Variants in NAALADL2 observed in about 807,000 individuals in gnomAD.
The protein encoded by NAALADL2 is inactive N-acetylated-alpha-linked acidic dipeptidase-like protein 2.
A neutral mutation model predicts 87.2 loss-of-function variants in NAALADL2; 76 were observed. That is an observed-to-expected ratio of 0.87 (90% confidence interval 0.72 to 1.05). NAALADL2 has a LOEUF of 1.05. NAALADL2 is among the 50% of genes least tolerant of loss of function. The probability of loss-of-function intolerance (pLI) is 0.00; values close to 1 mark genes in which losing one functional copy is unlikely to be tolerated. For synonymous variants in NAALADL2, 354 were observed against 331.0 expected (o/e 1.07, Z -0.75); for missense variants, 1,089 against 945.8 (o/e 1.15, Z -1.99).
intron 5 of NAALADL2, among the ~76,000 whole-genome samples, chr3:175,407,747 A>G (rs986189159): frequency 4.6e-5 from 7 of 152,190 alleles, no homozygotes; most frequent in African/African-American, 1.7e-4. Flanking sequence ...ATCAGGATGC[A>G]TGAAACTGGG....
At chr3:175,347,521 G>A (rs1763281879) in intron 5 of NAALADL2, among the ~76,000 whole-genome samples, 1 of 152,032 alleles carries the variant, frequency 6.6e-6, no homozygotes, top group Non-Finnish European at 1.5e-5. Context: ...GCTAAGGTGG[G>A]AAAGGAAAGA....
intron 1 of NAALADL2, among the ~76,000 whole-genome samples, chr3:174,945,828 G>C (rs572624817): frequency 6.6e-6 from 1 of 151,852 alleles, no homozygotes; most frequent in Non-Finnish European, 1.5e-5. Context: ...CGGGCAGATC[G>C]TGAAGTCAGG....
At chr3:175,533,961 T>G (rs1734439944) in intron 9 of NAALADL2, among the ~76,000 whole-genome samples, 1 of 151,716 alleles carries the variant, frequency 6.6e-6, no homozygotes, top group African/African-American at 2.4e-5. Flanking sequence ...GTCAAAGGTA[T>G]TATGTATAGA....
chr3:175,613,715 A>G (rs191235504), intron 10 of NAALADL2, among the ~76,000 whole-genome samples: 120 of 152,296 alleles, frequency 7.9e-4, no homozygotes, highest in Admixed American at 1.5e-3. Flanking sequence ...CTTGGGCAAG[A>G]TATTCGAACT....
intron 2 of NAALADL2, among the ~76,000 whole-genome samples, chr3:174,703,288 T>C (rs1356125319): frequency 6.7e-6 from 1 of 150,160 alleles, no homozygotes; most frequent in Non-Finnish European, 1.5e-5. Context: ...GACAGGCACA[T>C]GCTACCATGC....
At chr3:175,433,900 A>G (rs74768922) in intron 5 of NAALADL2, among the ~76,000 whole-genome samples, 2 of 152,010 alleles carry the variant, frequency 1.3e-5, no homozygotes, top group African/African-American at 4.8e-5. Context: ...CAATGATGAA[A>G]TGATGAATCT....
intron 1 of NAALADL2, among the ~76,000 whole-genome samples, chr3:174,876,284 TG>T (rs1728501254): frequency 6.6e-6 from 1 of 152,160 alleles, no homozygotes; most frequent in Non-Finnish European, 1.5e-5. Context: ...CAGGACCCGT[TG>T]AAAAAACCAT....
rs1749974298 is a variant in NAALADL2 at position 175,256,537 on chromosome 3, C to T, written c.939+7C>T. On this transcript the variant is annotated splice_region_variant and intron_variant, in intron 4 of 13. Transcript: ENST00000454872. ...ATTGCCACTGCTTTATAAGGTTGGT[C>T]CAGTGAATGTTATTCAGTGGTTTGG... The T allele has an allele frequency of 3.1e-6, 5 of 1,606,808 alleles. No homozygotes were observed. The Admixed American group carries it at 6.8e-5, about 22-fold the overall frequency.
chr3:175,039,283 C>T (rs1753773959), intron 1 of NAALADL2, among the ~76,000 whole-genome samples: 1 of 152,146 alleles, frequency 6.6e-6, no homozygotes. Context: ...TCTCCTGCCT[C>T]AGCCTCCTGA....
At chr3:174,983,354 A>C (rs1197608810) in intron 1 of NAALADL2, among the ~76,000 whole-genome samples, 3 of 152,162 alleles carry the variant, frequency 2.0e-5, no homozygotes, top group Non-Finnish European at 4.4e-5. Flanking sequence ...GATTTATGGC[A>C]GGGGAAATAT....
chr3:175,424,450 G>A (rs994664129), intron 5 of NAALADL2, among the ~76,000 whole-genome samples: 42 of 152,224 alleles, frequency 2.8e-4, no homozygotes, highest in Middle Eastern at 3.4e-3. Flanking sequence ...GTGTAAGGAA[G>A]GGATCCAGTT....
intron 6 of NAALADL2, among the ~76,000 whole-genome samples, chr3:175,452,997 T>C (rs1005508687): frequency 4.6e-5 from 7 of 152,294 alleles, no homozygotes; most frequent in Admixed American, 3.9e-4. Context: ...GTTTTGATTT[T>C]AGAAATGATT....
intron 11 of NAALADL2, among the ~76,000 whole-genome samples, chr3:175,640,731 CAT>C (rs373429804): frequency 2.6e-4 from 40 of 152,292 alleles, no homozygotes; most frequent in South Asian, 1.0e-3. Flanking sequence ...GTTTGATACA[CAT>C]GAGTGTATAT....
chr3:174,898,820 A>G (rs1272523499), intron 1 of NAALADL2, among the ~76,000 whole-genome samples: 1 of 152,222 alleles, frequency 6.6e-6, no homozygotes, highest in Non-Finnish European at 1.5e-5. Flanking sequence ...ATTCTAAAAG[A>G]AAAGCAAGGA....
intron 9 of NAALADL2, among the ~76,000 whole-genome samples, chr3:175,566,545 T>G (rs1398993971): frequency 1.3e-5 from 2 of 152,168 alleles, no homozygotes; most frequent in African/African-American, 4.8e-5. Context: ...ATGTGTGCAA[T>G]CTAACTTATT....
chr3:174,759,176 T>A (rs900124582), intron 3 of NAALADL2, among the ~76,000 whole-genome samples: 6 of 152,346 alleles, frequency 3.9e-5, no homozygotes, highest in African/African-American at 1.4e-4. Context: ...GGAATTAGTC[T>A]CCTACTTGCC....
At chr3:175,131,896 G>T in intron 2 of NAALADL2, among the ~76,000 whole-genome samples, 1 of 79,060 alleles carries the variant, frequency 1.3e-5, no homozygotes, top group South Asian at 4.4e-4. Context: ...CCTCCCAGAC[G>T]GGGCGGCTGG....
chr3:175,665,599 A>G (rs1242907581), intron 11 of NAALADL2, among the ~76,000 whole-genome samples: 1 of 152,178 alleles, frequency 6.6e-6, no homozygotes, highest in Non-Finnish European at 1.5e-5. Flanking sequence ...ATAAACATTA[A>G]TAGCTCTCCA....
intron 3 of NAALADL2, chr3:175,242,459 G>T (rs182050061): frequency 3.3e-5 from 5 of 152,198 alleles, no homozygotes; most frequent in South Asian, 4.2e-4. Flanking sequence ...TTAGGTTTCC[G>T]CACTGTTTAA....
Sources: allele counts gnomAD v4.1 joint callset (sites outside exome capture counted in the v4.1 genomes callset), GRCh38; gene constraint gnomAD v4.1.1; transcripts MANE v1.5; gene names NCBI Gene and HGNC (gene_info 2026-07-23, HGNC 2026-07-21).